ILF2: variants seen among roughly 807,000 people sequenced by gnomAD.
ILF2 encodes interleukin enhancer binding factor 2.
ILF2 carries 9 observed loss-of-function variants against 55.3 expected under a neutral mutation model. The observed-to-expected ratio is 0.16, with a 90% CI of 0.10 to 0.28. ILF2 has a LOEUF of 0.28. Ranked by LOEUF, ILF2 falls within the 10% of genes least tolerant of loss-of-function variation. The probability of loss-of-function intolerance (pLI) is 1.00; values close to 1 mark genes in which losing one functional copy is unlikely to be tolerated. For synonymous variants in ILF2, 151 were observed against 161.8 expected, an observed-to-expected ratio of 0.93 and a Z score of 0.50; for missense variants, 266 against 474.9, an observed-to-expected ratio of 0.56 and a Z score of 4.09.
intron 3 of ILF2, among the ~76,000 whole-genome samples, chr1:153,669,492 CTTTT>C (rs949673578): frequency 2.7e-5 from 4 of 147,226 alleles, no homozygotes; most frequent in Non-Finnish European, 4.5e-5. Flanking sequence ...TTTCAACCAT[CTTTT>C]TTTTTTTGTA....
intron 2 of ILF2, 121 bp from the exon 3 acceptor site, chr1:153,669,999 G>T: frequency 9.0e-7 from 1 of 1,105,664 alleles, no homozygotes; most frequent in Non-Finnish European, 1.4e-6. Flanking sequence ...CTCCGGGGAG[G>T]GAAAGAATCA....
At position 153,662,979 on chromosome 1, in the gene ILF2, G is replaced by C. The variant is rs1479249412; in HGVS notation, c.921+40C>G. ...GCCTGCTGAGCAGCAGTATTCAAAA[G>C]AGTGGGGCAAAACAACTCAGTTCAT... On this transcript the variant is annotated intron_variant, in intron 12 of 13. Transcript: ENST00000361891. 3.9e-6 allele frequency: 6 copies of C among 1,534,512 alleles called. No individual in the cohort carries two copies. The South Asian group carries it at 6.7e-5, about 17-fold the overall frequency.
intron 3 of ILF2, among the ~76,000 whole-genome samples, chr1:153,669,407 A>G (rs558993214): frequency 6.6e-6 from 1 of 152,276 alleles, no homozygotes; most frequent in African/African-American, 2.4e-5. Flanking sequence ...CCATGCTTAC[A>G]CTGTTTCTGT....
In ILF2 at chr1:153,670,947, A is replaced by C. The variant is rs923677478; in HGVS notation, c.-25T>G. On this transcript the variant is annotated 5_prime_UTR_variant, in exon 1 of 14. Transcript: ENST00000361891. ...TGGCGCCTTAAAACACGAACAATGG[A>C]GGCCGCACCAACCGCCCCTTCCTCT... 18 of 1,614,166 alleles carry C rather than the reference A, an allele frequency of 1.1e-5. No homozygotes were observed. The highest frequency in any genetic ancestry group is 1.4e-5 in the Non-Finnish European group (16 of 1,179,998).
Position 153,662,365 on chromosome 1 carries a change from C to G in ILF2, c.*31G>C, listed in dbSNP as rs772656082. The stretch of plus-strand genomic sequence containing the variant: ...CAGGCAGCTTAGGCTCCAGTCTTCC[C>G]CCTTGGGTAGGAAAAGGAGTGAAGG... On this transcript the variant is annotated 3_prime_UTR_variant, in exon 14 of 14. Coordinates refer to ENST00000361891, the MANE Select transcript of ILF2 (RefSeq NM_004515.4). 1 of 1,613,378 alleles carries G rather than the reference C, an allele frequency of 6.2e-7. No homozygotes were observed. Among genetic ancestry groups the G allele is most frequent in the South Asian group, 1.1e-5 (1 of 91,012 alleles).
rs1470742677 is a variant in ILF2 at position 153,669,786 on chromosome 1, C to T, written c.108+50G>A. 2.8e-6 allele frequency: 4 copies of T among 1,430,144 alleles called. No homozygotes were observed. In the South Asian group the frequency reaches 4.6e-5, roughly 16 times the overall value. The allele number at this position is 1,430,144 out of a possible 1,614,324, so 88.6% of individuals were successfully genotyped here. A position where few individuals can be genotyped will look rare whatever the true frequency, so the allele number is the denominator to read the frequency against. On this transcript the variant is annotated intron_variant, in intron 3 of 13. Transcript: ENST00000361891. The stretch of plus-strand genomic sequence containing the variant: ...TTCATTAACTGGGAGATACTGGGCT[C>T]CATTTCAACAGTGACCAGAAAATGT...
intron 6 of ILF2, among the ~76,000 whole-genome samples, chr1:153,666,707 C>T (rs1669317395): frequency 6.6e-6 from 1 of 152,224 alleles, no homozygotes; most frequent in Non-Finnish European, 1.5e-5. Flanking sequence ...CCGCCAGATA[C>T]TGCCAGATAT....
At chr1:153,665,193 T>A in intron 8 of ILF2, 27 bp downstream of exon 8, 1 of 1,333,786 alleles carries the variant, frequency 7.5e-7, no homozygotes, top group East Asian at 2.3e-5. Flanking sequence ...CCCTAAATTT[T>A]CCAGCAATGG....
intron 8 of ILF2, 61 bp from the exon 9 acceptor site, chr1:153,664,535 C>A (rs1669258721): frequency 7.7e-7 from 1 of 1,292,350 alleles, no homozygotes; most frequent in Non-Finnish European, 1.1e-6. Flanking sequence ...CTACTCATTA[C>A]CACTGCTACA....
chr1:153,664,031 A>G lies in ILF2; in HGVS notation c.744+12T>C. 1 of 1,561,380 alleles carries G rather than the reference A, an allele frequency of 6.4e-7. No homozygotes were observed. Among genetic ancestry groups the G allele is most frequent in the Non-Finnish European group, 8.8e-7 (1 of 1,134,652 alleles). On this transcript the variant is annotated intron_variant, in intron 10 of 13. Transcript: ENST00000361891. ...GGATGATGAGGAACTCCAATTGCCCATCTTTACTTACTAGTAGGTCAAGGA... is the reference window on the plus strand; with the variant it reads ...GGATGATGAGGAACTCCAATTGCCCGTCTTTACTTACTAGTAGGTCAAGGA...
At position 153,668,043 on chromosome 1, in the gene ILF2, T is replaced by C. The variant is rs1187188410; in HGVS notation, c.248A>G (p.Asn83Ser). Residue 83 changes from asparagine (N) to serine (S), a missense_variant, in exon 5 of 14, where the codon AAT (asparagine) becomes AGT (serine). Physicochemically the swap from Asn to Ser is conservative, Grantham distance 46 (BLOSUM62 1). Transcript: ENST00000361891. ...SILSLVTKINNVIDNLIVAPG... is the reference protein window; with the variant it reads ...SILSLVTKINSVIDNLIVAPG... ...AGCCACAATCAGATTATCAATCACA[T>C]TGTTTATTTTTGTCACCAGAGAAAG... 2 of 1,611,656 alleles carry C rather than the reference T, an allele frequency of 1.2e-6. No individual in the cohort carries two copies. The highest frequency in any genetic ancestry group is 1.7e-6 in the Non-Finnish European group (2 of 1,178,968).
Position 153,669,822 on chromosome 1 carries a change from C to T in ILF2, c.108+14G>A, listed in dbSNP as rs781149098. 6.2e-7 allele frequency: 1 copy of T among 1,605,748 alleles called. No individual in the cohort carries two copies. The highest frequency in any genetic ancestry group is 1.1e-5 in the South Asian group (1 of 90,934). The stretch of plus-strand genomic sequence containing the variant: ...GTGACCAGAAAATGTGTATCATTAA[C>T]CCAAGGTACTCACCAAATAGAAGTC... On this transcript the variant is annotated intron_variant, in intron 3 of 13. Transcript: ENST00000361891.
chr1:153,670,059 C>T, intron 2 of ILF2, 112 bp downstream of exon 2: 5 of 1,200,648 alleles, frequency 4.2e-6, no homozygotes, highest in Non-Finnish European at 6.2e-6. Flanking sequence ...CAGGAAAAGA[C>T]CACAGTTGGC....
intron 6 of ILF2, among the ~76,000 whole-genome samples, chr1:153,666,021 AGG>A (rs1211894196): frequency 6.6e-6 from 1 of 152,128 alleles, no homozygotes; most frequent in African/African-American, 2.4e-5. Flanking sequence ...ATGGGGATGT[AGG>A]ATGTTTAACA....
chr1:153,665,767 T>C (rs1669291290), intron 6 of ILF2, 39 bp from the exon 7 acceptor site: 2 of 1,508,290 alleles, frequency 1.3e-6, no homozygotes, highest in Non-Finnish European at 1.8e-6. Context: ...TAATAATTTA[T>C]TTGCCTAGAC....
At chr1:153,669,972 A>C in intron 2 of ILF2, 94 bp from the exon 3 acceptor site, 1 of 1,178,060 alleles carries the variant, frequency 8.5e-7, no homozygotes, top group Non-Finnish European at 1.3e-6. Flanking sequence ...GTCAGTCCTC[A>C]GAATGAGTGA....
In ILF2 at chr1:153,670,949, G is replaced by T; in HGVS notation, c.-27C>A. On this transcript the variant is annotated 5_prime_UTR_variant, in exon 1 of 14. Coordinates refer to ENST00000361891, the MANE Select transcript of ILF2 (RefSeq NM_004515.4). The stretch of plus-strand genomic sequence containing the variant: ...GCGCCTTAAAACACGAACAATGGAG[G>T]CCGCACCAACCGCCCCTTCCTCTGA... 1 of 1,614,116 alleles carries T rather than the reference G, an allele frequency of 6.2e-7. No individual in the cohort carries two copies. Among genetic ancestry groups the T allele is most frequent in the Non-Finnish European group, 8.5e-7 (1 of 1,179,996 alleles).
rs753101179 is a variant in ILF2 at position 153,668,499 on chromosome 1, G to C, written c.167C>G (p.Ala56Gly). The C allele has an allele frequency of 6.2e-7, 1 of 1,614,156 alleles. No homozygotes were observed. Among genetic ancestry groups the C allele is most frequent in the South Asian group, 1.1e-5 (1 of 91,078 alleles). Residue 56 changes from alanine to glycine, a missense_variant, in exon 4 of 14, where the codon GCC becomes GGC. Physicochemically the swap from Ala to Gly is moderately conservative, Grantham distance 60 (BLOSUM62 0). Transcript: ENST00000361891. ...PAPDETSFSE[A>G]LLKRNQDLAP... Reference sequence around the variant, plus strand: ...CAGGTCCTGATTCCTCTTCAGCAAGGCCTCACTGAAGGAAGTTTCATCAGG... The same window carrying C: ...CAGGTCCTGATTCCTCTTCAGCAAGCCCTCACTGAAGGAAGTTTCATCAGG...
intron 12 of ILF2, 35 bp downstream of exon 12, chr1:153,662,984 G>A (rs1019939740): frequency 1.9e-6 from 3 of 1,549,950 alleles, no homozygotes; most frequent in Non-Finnish European, 1.8e-6. Flanking sequence ...CAAAAGAGTG[G>A]GGCAAAACAA....
Sources: allele counts gnomAD v4.1 joint callset (sites outside exome capture counted in the v4.1 genomes callset), GRCh38; gene constraint gnomAD v4.1.1; transcripts MANE v1.5; gene names NCBI Gene and HGNC (gene_info 2026-07-23, HGNC 2026-07-21).